Variants in UBA6 observed in about 807,000 individuals in gnomAD.
UBA6 encodes ubiquitin-like modifier-activating enzyme 6.
UBA6 carries 87 observed loss-of-function variants against 148.3 expected under a neutral mutation model. The ratio of observed to expected loss-of-function variants is 0.59; its 90% CI spans 0.49 to 0.70. The LOEUF (loss-of-function observed/expected upper bound fraction) is 0.70, where lower values mean the gene tolerates loss of function less well. Among genes scored for constraint, UBA6 ranks in the 30% least tolerant of loss-of-function variants. The probability of loss-of-function intolerance (pLI) is 0.00; values close to 1 mark genes in which losing one functional copy is unlikely to be tolerated. For synonymous variants in UBA6, 376 were observed against 401.0 expected, an observed-to-expected ratio of 0.94 and a Z score of 0.75; for missense variants, 1,186 against 1,241.2, an observed-to-expected ratio of 0.96 and a Z score of 0.67.
In UBA6 at chr4:67,673,740, T is replaced by A. The variant is rs1052212679; in HGVS notation, c.503A>T (p.Lys168Met). 77 of 1,612,324 alleles carry A rather than the reference T, an allele frequency of 4.8e-5. 1 individual carries two copies. Among genetic ancestry groups the A allele is most frequent in the Non-Finnish European group, 6.4e-5 (75 of 1,178,904 alleles). The change falls in exon 7 of 33, where the codon AAG (lysine) becomes ATG (methionine). Residue 168 changes from lysine to methionine, a missense_variant. Lys to Met is a moderately conservative substitution (Grantham distance 95). Coordinates refer to ENST00000322244, the MANE Select transcript of UBA6 (RefSeq NM_018227.6). Reference protein sequence around the residue: ...VLTEMKLPLQKKINDFCRSQC... With the variant: ...VLTEMKLPLQMKINDFCRSQC... ...AGAACGGCAAAAGTCATTGATCTTC[T>A]TCTGCAATGGAAGTTTCATCTCAGT...
intron 13 of UBA6, among the ~76,000 whole-genome samples, chr4:67,657,644 A>T (rs1298399996): frequency 6.6e-6 from 1 of 152,140 alleles, no homozygotes; most frequent in African/African-American, 2.4e-5. Flanking sequence ...AAACACCAAA[A>T]GCAATGGCAA....
chr4:67,666,598 GT>G (rs1011337714), intron 9 of UBA6, among the ~76,000 whole-genome samples: 17 of 152,160 alleles, frequency 1.1e-4, no homozygotes, highest in African/African-American at 3.9e-4. Context: ...TGGTCATGAG[GT>G]TTTTTTATCT....
At chr4:67,636,970 T>C (rs1729164618) in intron 19 of UBA6, among the ~76,000 whole-genome samples, 1 of 144,456 alleles carries the variant, frequency 6.9e-6, no homozygotes, top group South Asian at 2.3e-4. Context: ...CAGCAGCCCA[T>C]TGTCTGAGAT....
In UBA6 at chr4:67,701,083, C is replaced by A. The variant is rs749525878; in HGVS notation, c.37G>T (p.Glu13Ter). 6.2e-7 allele frequency: 1 copy of A among 1,613,796 alleles called. No homozygotes were observed. Among genetic ancestry groups the A allele is most frequent in the Non-Finnish European group, 8.5e-7 (1 of 1,179,814 alleles). The change falls in exon 1 of 33, where the codon GAA (glutamate) becomes TAA (stop). Residue 13 changes from glutamate (E) to a stop codon, truncating the protein, a stop_gained. Coordinates refer to ENST00000322244, the MANE Select transcript of UBA6 (RefSeq NM_018227.6). LOFTEE classifies it high-confidence loss of function. ...CCCCAGGAAGAACAGGACGCCTCTTCCCCCTGATGGGCGGCCACAGGCTCG... is the reference window on the plus strand; with the variant it reads ...CCCCAGGAAGAACAGGACGCCTCTTACCCCTGATGGGCGGCCACAGGCTCG... ...GSEPVAAHQG[E>*]EASCSSWGTG...
rs1729453601 is a variant in UBA6, at chr4:67,647,773, G to C, written c.1249-982C>G. ...CAATTAATTTCTATTATTTCTCATG[G>C]TGTTTTTTTTTTTTTTTTGAGACAG... On this transcript the variant is annotated intron_variant, in intron 14 of 32. Transcript: ENST00000322244. 2.0e-5 allele frequency among the ~76,000 whole-genome samples: 3 copies of C among 148,186 alleles called. No individual in the cohort carries two copies. In the South Asian group the frequency reaches 6.4e-4, roughly 32 times the overall value.
intron 13 of UBA6, among the ~76,000 whole-genome samples, chr4:67,659,347 G>A (rs1729782392): frequency 6.6e-6 from 1 of 152,108 alleles, no homozygotes; most frequent in South Asian, 2.1e-4. Flanking sequence ...CACATGTCAA[G>A]GTGGGACCAG....
intron 13 of UBA6, among the ~76,000 whole-genome samples, chr4:67,651,586 T>G (rs1226180455): frequency 1.3e-5 from 2 of 152,094 alleles, no homozygotes; most frequent in African/African-American, 4.8e-5. Context: ...CTAGCCAAGC[T>G]TACAAGTATG....
intron 9 of UBA6, 137 bp from the exon 10 acceptor site, chr4:67,665,429 TTG>T (rs1381624171): frequency 2.4e-5 from 12 of 502,944 alleles, no homozygotes; most frequent in Admixed American, 9.4e-5. Flanking sequence ...TTTTGTTTGT[TTG>T]TTTTTTTTTT....
intron 27 of UBA6, among the ~76,000 whole-genome samples, chr4:67,628,617 C>T (rs1245242125): frequency 6.6e-6 from 1 of 151,772 alleles, no homozygotes; most frequent in Non-Finnish European, 1.5e-5. Context: ...TGTTTATAGT[C>T]CCTCTCCGCC....
chr4:67,663,707 ACATTTT>A, intron 11 of UBA6, 172 bp downstream of exon 11: 1 of 485,654 alleles, frequency 2.1e-6, no homozygotes, highest in Non-Finnish European at 3.7e-6. Context: ...AGACAAATTC[ACATTTT>A]TAATCCTCAG....
At chr4:67,654,644 C>A (rs190221002) in intron 13 of UBA6, among the ~76,000 whole-genome samples, 1 of 152,162 alleles carries the variant, frequency 6.6e-6, no homozygotes, top group East Asian at 1.9e-4. Context: ...GGCAAAAAAA[C>A]CAGCTAACAT....
intron 26 of UBA6, 49 bp from the exon 27 acceptor site, chr4:67,629,191 T>A: frequency 8.0e-7 from 1 of 1,249,450 alleles, no homozygotes. Flanking sequence ...TTCTAAATTC[T>A]AAAGCTAAAA....
At chr4:67,660,351 A>G (rs1452873205) in intron 13 of UBA6, among the ~76,000 whole-genome samples, 5 of 152,190 alleles carry the variant, frequency 3.3e-5, no homozygotes, top group Non-Finnish European at 7.3e-5. Context: ...GCCTAATAGG[A>G]AAAAATGGTT....
At chr4:67,643,275 A>T (rs1390265121) in intron 17 of UBA6, among the ~76,000 whole-genome samples, 1 of 151,928 alleles carries the variant, frequency 6.6e-6, no homozygotes, top group East Asian at 1.9e-4. Flanking sequence ...TAGGAGACTA[A>T]TTCTTTTATT....
At chr4:67,643,139 A>C (rs974537108) in intron 17 of UBA6, among the ~76,000 whole-genome samples, 2 of 151,902 alleles carry the variant, frequency 1.3e-5, no homozygotes, top group African/African-American at 4.8e-5. Context: ...CCAGCATGGC[A>C]CAAGTATATA....
intron 28 of UBA6, 65 bp downstream of exon 28, chr4:67,626,295 T>C (rs1560477463): frequency 1.1e-6 from 1 of 895,806 alleles, no homozygotes; most frequent in Non-Finnish European, 1.9e-6. Context: ...AATTCTTAGG[T>C]GTAGAGCTTA....
At position 67,683,042 on chromosome 4, in the gene UBA6, G is replaced by A. The variant is rs186607236; in HGVS notation, c.135-829C>T. 2.6e-5 allele frequency among the ~76,000 whole-genome samples: 4 copies of A among 152,208 alleles called. No individual in the cohort carries two copies. In the East Asian group the frequency reaches 7.7e-4, roughly 29 times the overall value. ...TGAAAAGGGATTTCTTATCTAGAGA[G>A]ACAAAACTTTATAAACACAAGCTAT... On this transcript the variant is annotated intron_variant, in intron 2 of 32. Coordinates refer to ENST00000322244, the MANE Select transcript of UBA6 (RefSeq NM_018227.6).
intron 25 of UBA6, 51 bp from the exon 26 acceptor site, chr4:67,630,586 G>T: frequency 2.6e-6 from 3 of 1,146,302 alleles, no homozygotes; most frequent in Non-Finnish European, 2.5e-6. Context: ...TTTTAAAGAC[G>T]ATATTTAACT....
At chr4:67,623,366 T>A (rs1347966246) in intron 30 of UBA6, 144 bp from the exon 31 acceptor site, 14 of 608,396 alleles carry the variant, frequency 2.3e-5, no homozygotes, top group Middle Eastern at 7.0e-4. Flanking sequence ...GGATAATATA[T>A]CTTCTAAAAT....
Sources: gnomAD v4.1 joint callset for allele counts (sites outside exome capture counted in the v4.1 genomes callset) on GRCh38, gnomAD v4.1.1 for gene constraint, MANE v1.5 for transcripts, NCBI Gene and HGNC (gene_info 2026-07-23, HGNC 2026-07-21) for gene names.